The following EPHA5 variants were observed in gnomAD, a reference collection of about 807,000 sequenced individuals.
EPHA5 encodes the protein ephrin type-A receptor 5.
Under a neutral mutation model 105.0 loss-of-function variants are expected in EPHA5, and 60 were observed. The observed-to-expected ratio is 0.57, with a 90% CI of 0.46 to 0.71. EPHA5 has a LOEUF of 0.71. Ranked by LOEUF, EPHA5 falls within the 30% of genes least tolerant of loss-of-function variation. The probability of loss-of-function intolerance (pLI) is 0.00; values close to 1 mark genes in which losing one functional copy is unlikely to be tolerated. For synonymous variants in EPHA5, 513 were observed against 449.1 expected (o/e 1.14, Z -1.80); for missense variants, 1,218 against 1,274.7 (o/e 0.96, Z 0.68).
chr4:65,468,578 A>G (rs1578185724), intron 5 of EPHA5, among the ~76,000 whole-genome samples: 1 of 87,322 alleles, frequency 1.1e-5, no homozygotes. Context: ...ATATATATAT[A>G]TGTAAAATAT....
chr4:65,407,745 G>A (rs1324284796), intron 7 of EPHA5, among the ~76,000 whole-genome samples: 2 of 150,854 alleles, frequency 1.3e-5, no homozygotes, highest in Non-Finnish European at 3.0e-5. Flanking sequence ...TAAAGTCCTT[G>A]ATGGGTTTTA....
chr4:65,590,121 T>G (rs898174243), intron 3 of EPHA5, among the ~76,000 whole-genome samples: 8 of 152,204 alleles, frequency 5.3e-5, no homozygotes, highest in Non-Finnish European at 8.8e-5. Flanking sequence ...GAGTTATCCG[T>G]CAGTCAAATT....
At chr4:65,388,477 C>G (rs1423900765) in intron 8 of EPHA5, among the ~76,000 whole-genome samples, 1 of 150,422 alleles carries the variant, frequency 6.6e-6, no homozygotes, top group Non-Finnish European at 1.5e-5. Context: ...TCTCCAGCAC[C>G]TGTTGTTTCC....
intron 5 of EPHA5, among the ~76,000 whole-genome samples, chr4:65,424,640 A>G (rs530841810): frequency 1.3e-4 from 20 of 152,016 alleles, no homozygotes; most frequent in Non-Finnish European, 2.5e-4. Context: ...TTTATCCTTT[A>G]TCAGTCAAAA....
intron 2 of EPHA5, among the ~76,000 whole-genome samples, chr4:65,619,020 T>C (rs1019468701): frequency 1.3e-5 from 2 of 152,078 alleles, no homozygotes; most frequent in Non-Finnish European, 2.9e-5. Flanking sequence ...CCGGGCATGG[T>C]GGCGGGTGCC....
At chr4:65,629,229 T>G (rs541608268) in intron 2 of EPHA5, among the ~76,000 whole-genome samples, 1 of 152,330 alleles carries the variant, frequency 6.6e-6, no homozygotes, top group South Asian at 2.1e-4. Context: ...GAGCCAATGT[T>G]AGATGCAGCA....
At chr4:65,501,641 G>GAT (rs1480517465) in intron 3 of EPHA5, among the ~76,000 whole-genome samples, 1 of 151,664 alleles carries the variant, frequency 6.6e-6, no homozygotes, top group Admixed American at 6.6e-5. Context: ...CATACTTATG[G>GAT]ATCAGAGGAA....
At chr4:65,570,304 A>G (rs551674644) in intron 3 of EPHA5, among the ~76,000 whole-genome samples, 13 of 152,028 alleles carry the variant, frequency 8.6e-5, no homozygotes, top group African/African-American at 3.1e-4. Flanking sequence ...ATTTTCTTTA[A>G]TCTCAGAGAA....
intron 5 of EPHA5, among the ~76,000 whole-genome samples, chr4:65,420,835 T>G (rs1723882137): frequency 6.6e-6 from 1 of 152,074 alleles, no homozygotes; most frequent in Non-Finnish European, 1.5e-5. Context: ...TTTTATTTCA[T>G]AATTTATAGA....
intron 5 of EPHA5, among the ~76,000 whole-genome samples, chr4:65,487,225 T>C (rs1377870097): frequency 6.6e-6 from 1 of 152,144 alleles, no homozygotes; most frequent in Admixed American, 6.5e-5. Context: ...ATTATGACAG[T>C]TAAAGAGATC....
At chr4:65,549,426 C>A (rs753539955) in intron 3 of EPHA5, among the ~76,000 whole-genome samples, 5 of 151,938 alleles carry the variant, frequency 3.3e-5, no homozygotes, top group Non-Finnish European at 5.9e-5. Context: ...TAAGCATGTG[C>A]CAAAATTATA....
intron 5 of EPHA5, among the ~76,000 whole-genome samples, chr4:65,453,013 A>G (rs1442188818): frequency 6.6e-6 from 1 of 152,156 alleles, no homozygotes; most frequent in Non-Finnish European, 1.5e-5. Flanking sequence ...TGTCCATATA[A>G]ACAATGGTTT....
rs1750316998 is a variant in EPHA5 at position 65,669,873 on chromosome 4, G to C, written c.-131C>G. 1 of 1,213,180 alleles carries C rather than the reference G, an allele frequency of 8.2e-7. No individual in the cohort carries two copies. 75.2% of individuals were successfully genotyped at this position (1,213,180 alleles called of 1,614,324 possible). A position where few individuals can be genotyped will look rare whatever the true frequency, so the allele number is the denominator to read the frequency against. ...GGGGTCCTACGCCTTCTGGCACGCG[G>C]CTCCTCCAAATGTAGGAACCACGGA... is the stretch of plus-strand genomic sequence containing the variant. On this transcript the variant is annotated 5_prime_UTR_variant, in exon 1 of 17. Transcript: ENST00000613740.
At chr4:65,459,165 A>T (rs763431473) in intron 5 of EPHA5, among the ~76,000 whole-genome samples, 4 of 152,046 alleles carry the variant, frequency 2.6e-5, no homozygotes, top group Non-Finnish European at 5.9e-5. Context: ...TGTAAGGACC[A>T]TACTCAATAC....
chr4:65,343,084 A>G (rs576234112), intron 14 of EPHA5, among the ~76,000 whole-genome samples: 5 of 152,312 alleles, frequency 3.3e-5, no homozygotes, highest in Non-Finnish European at 5.9e-5. Flanking sequence ...TAGAATCTAT[A>G]CAGTCATATA....
chr4:65,378,886 T>C (rs1175454741), intron 8 of EPHA5, among the ~76,000 whole-genome samples: 1 of 151,888 alleles, frequency 6.6e-6, no homozygotes, highest in Non-Finnish European at 1.5e-5. Context: ...TAAAATTACC[T>C]CAATTTACTG....
intron 3 of EPHA5, among the ~76,000 whole-genome samples, chr4:65,558,081 T>G (rs1480641561): frequency 6.6e-6 from 1 of 152,048 alleles, no homozygotes; most frequent in African/African-American, 2.4e-5. Flanking sequence ...TTCACCATGT[T>G]GGCCAGGCTG....
At chr4:65,355,953 G>C (rs1219859458) in intron 11 of EPHA5, among the ~76,000 whole-genome samples, 2 of 151,402 alleles carry the variant, frequency 1.3e-5, no homozygotes, top group African/African-American at 4.8e-5. Flanking sequence ...CTTTTACTTG[G>C]ATTCTGCCTG....
intron 3 of EPHA5, among the ~76,000 whole-genome samples, chr4:65,517,717 T>A (rs1452608603): frequency 1.3e-5 from 2 of 152,068 alleles, no homozygotes; most frequent in African/African-American, 2.4e-5. Flanking sequence ...GATATGTTAT[T>A]CTTCAGGTGG....
Sources: gnomAD v4.1 joint callset for allele counts (sites outside exome capture counted in the v4.1 genomes callset) on GRCh38, gnomAD v4.1.1 for gene constraint, MANE v1.5 for transcripts, NCBI Gene and HGNC (gene_info 2026-07-23, HGNC 2026-07-21) for gene names.